The following DPP10 variants were observed in gnomAD, a reference collection of about 807,000 sequenced individuals.
The protein encoded by DPP10 is dipeptidyl peptidase like 10, also known as inactive dipeptidyl peptidase 10.
DPP10 carries 33 observed loss-of-function variants against 120.9 expected under a neutral mutation model. The ratio of observed to expected loss-of-function variants is 0.27; its 90% CI spans 0.21 to 0.37. The LOEUF (loss-of-function observed/expected upper bound fraction) is 0.37, where lower values mean the gene tolerates loss of function less well. Ranked by LOEUF, DPP10 falls within the 10% of genes least tolerant of loss-of-function variation. The pLI, the probability that DPP10 is intolerant of heterozygous loss-of-function variation, is 1.00. For missense variants in DPP10, 816 were observed against 942.8 expected (o/e 0.87, Z 1.76); for synonymous variants, 337 against 326.1 (o/e 1.03, Z -0.36).
Position 115,413,143 on chromosome 2 carries a change from G to T in DPP10, c.271+69231G>T, listed in dbSNP as rs539185668. ...CCTCCCATCCTGAACACAGCTAATC[G>T]GACTGGAGAAGTCCATCTGAGGAAG... On this transcript the variant is annotated intron_variant, in intron 3 of 25. Coordinates refer to ENST00000410059, the MANE Select transcript of DPP10 (RefSeq NM_020868.6). Among the ~76,000 whole-genome samples the T allele has an allele frequency of 8.5e-5, 13 of 152,140 alleles. No individual in the cohort carries two copies. The East Asian group carries it at 2.5e-3, about 30-fold the overall frequency.
At chr2:115,016,708 T>C (rs1573316471) in intron 1 of DPP10, among the ~76,000 whole-genome samples, 2 of 151,138 alleles carry the variant, frequency 1.3e-5, no homozygotes, top group South Asian at 4.2e-4. Flanking sequence ...GAACAGACAT[T>C]TCTCAAAAGA....
chr2:115,093,293 C>G (rs1709433318), intron 1 of DPP10, among the ~76,000 whole-genome samples: 2 of 151,966 alleles, frequency 1.3e-5, no homozygotes, highest in African/African-American at 4.8e-5. Context: ...CAACAGTGTG[C>G]ATCATAAAAC....
chr2:115,177,193 T>C (rs767333126), intron 1 of DPP10, among the ~76,000 whole-genome samples: 24 of 152,356 alleles, frequency 1.6e-4, no homozygotes, highest in Admixed American at 9.1e-4. Flanking sequence ...GTAAGACATG[T>C]ACATGTACGT....
rs958308729 is a variant in DPP10 at position 114,712,731 on chromosome 2, C to T, written c.60+269893C>T. ...TGAAATAGATATACATCAGCCATTA[C>T]CCTAGCCACTAGAAATATCCATTTT... On this transcript the variant is annotated intron_variant, in intron 1 of 25. Coordinates refer to ENST00000410059, the MANE Select transcript of DPP10 (RefSeq NM_020868.6). 3.9e-5 allele frequency among the ~76,000 whole-genome samples: 6 copies of T among 152,208 alleles called. 1 individual carries two copies. The South Asian group carries it at 1.0e-3, about 26-fold the overall frequency.
chr2:114,921,112 T>C (rs146000529), intron 1 of DPP10, among the ~76,000 whole-genome samples: 1 of 152,336 alleles, frequency 6.6e-6, no homozygotes, highest in East Asian at 1.9e-4. Context: ...CTTACAGTGA[T>C]GTTGTAAAAT....
chr2:115,388,269 G>A (rs2067090957), intron 3 of DPP10, among the ~76,000 whole-genome samples: 1 of 152,192 alleles, frequency 6.6e-6, no homozygotes, highest in African/African-American at 2.4e-5. Flanking sequence ...GAGGTAGATA[G>A]GTGCCATGTT....
At chr2:115,163,328 TCTC>T (rs757132393) in intron 1 of DPP10, among the ~76,000 whole-genome samples, 26 of 152,296 alleles carry the variant, frequency 1.7e-4, no homozygotes, top group Middle Eastern at 3.4e-3. Flanking sequence ...CGGTTTCTTT[TCTC>T]CTCTTCCCTC....
At chr2:115,693,202 A>G (rs918014333) in intron 7 of DPP10, among the ~76,000 whole-genome samples, 1 of 152,234 alleles carries the variant, frequency 6.6e-6, no homozygotes, top group African/African-American at 2.4e-5. Flanking sequence ...TCTGTAATCT[A>G]TCCCACTATG....
chr2:115,211,710 G>A (rs946837876), intron 1 of DPP10, among the ~76,000 whole-genome samples: 10 of 151,934 alleles, frequency 6.6e-5, no homozygotes, highest in Admixed American at 5.3e-4. Flanking sequence ...TACAACTTCA[G>A]TGCATCATTA....
At chr2:114,899,523 T>C (rs1292330747) in intron 1 of DPP10, among the ~76,000 whole-genome samples, 1 of 152,218 alleles carries the variant, frequency 6.6e-6, no homozygotes, top group Non-Finnish European at 1.5e-5. Context: ...ATTTCTTGCT[T>C]TCATTATACT....
chr2:114,636,049 G>A (rs1695277249), intron 1 of DPP10, among the ~76,000 whole-genome samples: 1 of 151,910 alleles, frequency 6.6e-6, no homozygotes, highest in African/African-American at 2.4e-5. Context: ...CAAAGTGACA[G>A]ATTCACTCAT....
intron 1 of DPP10, among the ~76,000 whole-genome samples, chr2:114,571,206 G>A (rs909572156): frequency 2.0e-5 from 3 of 152,162 alleles, no homozygotes; most frequent in Admixed American, 1.3e-4. Context: ...TGGAGGTGGT[G>A]TCTAATGGGT....
intron 5 of DPP10, among the ~76,000 whole-genome samples, chr2:115,636,568 CAG>C (rs764872980): frequency 2.3e-4 from 35 of 150,020 alleles, no homozygotes; most frequent in Non-Finnish European, 3.8e-4. Flanking sequence ...GAGAAGGAGA[CAG>C]AGAGAGAGAA....
intron 8 of DPP10, among the ~76,000 whole-genome samples, chr2:115,732,951 G>T (rs929489785): frequency 6.6e-6 from 1 of 152,060 alleles, no homozygotes; most frequent in Non-Finnish European, 1.5e-5. Flanking sequence ...AACAACTATT[G>T]TATTGGGAAC....
At chr2:114,829,668 TG>T (rs1686904967) in intron 1 of DPP10, among the ~76,000 whole-genome samples, 1 of 151,894 alleles carries the variant, frequency 6.6e-6, no homozygotes. Context: ...TGAGCCACCG[TG>T]CCTGGCCGGA....
chr2:115,797,922 AAT>A (rs929827805), intron 19 of DPP10, among the ~76,000 whole-genome samples: 10 of 148,336 alleles, frequency 6.7e-5, no homozygotes, highest in African/African-American at 1.7e-4. Context: ...TTTTAACTGG[AAT>A]ATATATATAT....
At chr2:114,863,695 T>G (rs565582037) in intron 1 of DPP10, among the ~76,000 whole-genome samples, 7 of 152,190 alleles carry the variant, frequency 4.6e-5, no homozygotes, top group Non-Finnish European at 2.9e-5. Flanking sequence ...GGCAACTACT[T>G]CTTTAAATAC....
intron 2 of DPP10, among the ~76,000 whole-genome samples, chr2:115,328,675 A>G (rs2062510321): frequency 6.6e-6 from 1 of 152,086 alleles, no homozygotes; most frequent in East Asian, 1.9e-4. Context: ...TATACAAAGA[A>G]TCAAACATGC....
At chr2:114,897,252 A>G (rs1368518105) in intron 1 of DPP10, among the ~76,000 whole-genome samples, 1 of 152,192 alleles carries the variant, frequency 6.6e-6, no homozygotes, top group African/African-American at 2.4e-5. Flanking sequence ...TGGCCTCATA[A>G]AATGAGTTAG....
Sources: gnomAD v4.1 joint callset for allele counts (sites outside exome capture counted in the v4.1 genomes callset) on GRCh38, gnomAD v4.1.1 for gene constraint, MANE v1.5 for transcripts, NCBI Gene and HGNC (gene_info 2026-07-23, HGNC 2026-07-21) for gene names.